WDR93: variants seen among roughly 807,000 people sequenced by gnomAD.
WDR93 encodes the protein WD repeat domain 93.
WDR93 carries 73 observed loss-of-function variants against 82.9 expected under a neutral mutation model. The observed-to-expected ratio is 0.88, with a 90% CI of 0.73 to 1.07. The LOEUF (loss-of-function observed/expected upper bound fraction) is 1.07. Ranked by LOEUF, WDR93 falls within the 50% of genes least tolerant of loss-of-function variation. WDR93 has a pLI of 0.00. For synonymous variants in WDR93, 283 were observed against 300.1 expected, an observed-to-expected ratio of 0.94 and a Z score of 0.59; for missense variants, 738 against 826.0, an observed-to-expected ratio of 0.89 and a Z score of 1.31.
At chr15:89,742,281 A>C (rs1158857653) in intron 16 of WDR93, among the ~76,000 whole-genome samples, 1 of 152,118 alleles carries the variant, frequency 6.6e-6, no homozygotes, top group Non-Finnish European at 1.5e-5. Context: ...TTATCTCCAC[A>C]TAGATGGAGA....
chr15:89,697,138 T>C (rs969301254), intron 1 of WDR93, among the ~76,000 whole-genome samples: 1 of 152,062 alleles, frequency 6.6e-6, no homozygotes, highest in African/African-American at 2.4e-5. Flanking sequence ...TTAAAATTCC[T>C]TGTAGAGATG....
chr15:89,691,930 G>A (rs1964909449), intron 1 of WDR93, among the ~76,000 whole-genome samples: 1 of 152,128 alleles, frequency 6.6e-6, no homozygotes, highest in Non-Finnish European at 1.5e-5. Context: ...CCCTCATAAT[G>A]ATGTAGAAGG....
intron 1 of WDR93, among the ~76,000 whole-genome samples, chr15:89,691,368 A>G (rs2141562447): frequency 6.6e-6 from 1 of 152,342 alleles, no homozygotes; most frequent in East Asian, 1.9e-4. Context: ...CGGCTTGAAG[A>G]AAAGGAGCCT....
intron 2 of WDR93, 148 bp downstream of exon 2, chr15:89,702,197 A>C: frequency 1.1e-6 from 1 of 924,184 alleles, no homozygotes; most frequent in Non-Finnish European, 1.6e-6. Flanking sequence ...GCTGATGTTG[A>C]TTAAAATGAT....
chr15:89,709,603 T>C (rs1965870944), intron 4 of WDR93, among the ~76,000 whole-genome samples: 1 of 151,740 alleles, frequency 6.6e-6, no homozygotes, highest in African/African-American at 2.4e-5. Context: ...CAATAAAAAA[T>C]AGGCAAAAGA....
At chr15:89,702,106 G>A in intron 2 of WDR93, 57 bp downstream of exon 2, 1 of 1,515,160 alleles carries the variant, frequency 6.6e-7, no homozygotes, top group South Asian at 1.3e-5. Flanking sequence ...GTTAATAAAT[G>A]AAATCCCCTG....
intron 16 of WDR93, 61 bp downstream of exon 16, chr15:89,738,297 A>C: frequency 1.3e-6 from 2 of 1,489,298 alleles, no homozygotes; most frequent in Non-Finnish European, 1.8e-6. Context: ...ATTGAGGGAT[A>C]GTGGAGTTTC....
intron 11 of WDR93, 95 bp from the exon 12 acceptor site, chr15:89,731,348 C>T (rs971704576): frequency 1.3e-6 from 2 of 1,553,550 alleles, no homozygotes; most frequent in Admixed American, 1.8e-5. Flanking sequence ...ATTCCCTGAA[C>T]AGGCAGACCA....
intron 4 of WDR93, among the ~76,000 whole-genome samples, chr15:89,709,815 C>T (rs957764384): frequency 3.3e-5 from 5 of 151,614 alleles, no homozygotes; most frequent in African/African-American, 1.2e-4. Context: ...AACATTTGTT[C>T]ACAAAAAGAT....
chr15:89,736,488 T>C (rs1596125208), intron 14 of WDR93, among the ~76,000 whole-genome samples: 1 of 151,796 alleles, frequency 6.6e-6, no homozygotes, highest in African/African-American at 2.4e-5. Context: ...AGGGAGTGAA[T>C]AGAGAAGAGG....
rs2141690979 is a variant in WDR93 at position 89,731,372 on chromosome 15, G to A, written c.1211-71G>A. On this transcript the variant is annotated intron_variant, in intron 11 of 16. Coordinates refer to ENST00000268130, the MANE Select transcript of WDR93 (RefSeq NM_020212.2). ...ACAGGCAGACCAGTCTGAGTCACAG[G>A]TTGTCCAGGTAGAAGTGATGGGTAG... The A allele has an allele frequency of 2.5e-6, 4 of 1,591,150 alleles. No homozygotes were observed. The East Asian group carries it at 9.0e-5, about 36-fold the overall frequency.
intron 8 of WDR93, among the ~76,000 whole-genome samples, chr15:89,725,540 C>T (rs55804359): frequency 0.015 from 1,897 of 128,836 alleles, 18 homozygotes; most frequent in Non-Finnish European, 0.022. Flanking sequence ...TGGCAATGTT[C>T]TATTTCTTTT....
In WDR93 at chr15:89,725,402, C is replaced by T. The variant is rs188058489; in HGVS notation, c.881-1755C>T. Among the ~76,000 whole-genome samples the T allele has an allele frequency of 1.2e-3, 185 of 152,036 alleles. 1 individual carries two copies. Among genetic ancestry groups the T allele is most frequent in the Non-Finnish European group, 2.2e-3 (152 of 68,004 alleles). On this transcript the variant is annotated intron_variant, in intron 8 of 16. Transcript: ENST00000268130. ...CAAAATGAAACTATGGTGTTGAGGACGCATGTTTAGGTGATAAAAGCATAA... is the reference window on the plus strand; with the variant it reads ...CAAAATGAAACTATGGTGTTGAGGATGCATGTTTAGGTGATAAAAGCATAA...
Position 89,705,645 on chromosome 15 carries a change from C to T in WDR93, c.561+27C>T, listed in dbSNP as rs779963700. 3 of 1,407,904 alleles carry T rather than the reference C, an allele frequency of 2.1e-6. No homozygotes were observed. The Admixed American group carries it at 5.1e-5, about 24-fold the overall frequency. 87.2% of individuals were successfully genotyped at this position (1,407,904 alleles called of 1,614,324 possible). ...TGAGTTCCTATTCTTTCACCATTAGCTGGGCCAAAAGCTGTAGCAAATTAA... is the reference window on the plus strand; with the variant it reads ...TGAGTTCCTATTCTTTCACCATTAGTTGGGCCAAAAGCTGTAGCAAATTAA... On this transcript the variant is annotated intron_variant, in intron 4 of 16. Transcript: ENST00000268130.
chr15:89,736,384 G>C (rs927248813), intron 14 of WDR93, among the ~76,000 whole-genome samples: 4 of 152,158 alleles, frequency 2.6e-5, no homozygotes, highest in African/African-American at 9.7e-5. Flanking sequence ...AGAGAGCCAA[G>C]GGCTGAAAAT....
intron 4 of WDR93, among the ~76,000 whole-genome samples, chr15:89,711,052 G>C (rs1439538275): frequency 6.6e-6 from 1 of 152,178 alleles, no homozygotes; most frequent in East Asian, 1.9e-4. Context: ...AAGGAGTCAG[G>C]ATGATAACTG....
rs376188673 is a variant in WDR93 at position 89,733,101 on chromosome 15, T to C, written c.1426T>C (p.Tyr476His). ...YFSVHKGQNM[Y>H]PEGQVKSQMK... Reference sequence around the variant, plus strand: ...CTCGGTCCACAAAGGACAGAATATGTATCCTGAAGGTCAAGTGAAATCCCA... The same window carrying C: ...CTCGGTCCACAAAGGACAGAATATGCATCCTGAAGGTCAAGTGAAATCCCA... The change falls in exon 13 of 17, where the codon TAT becomes CAT. Residue 476 changes from tyrosine to histidine, a missense_variant. Tyr to His is a moderately conservative substitution (Grantham distance 83, BLOSUM62 2). Transcript: ENST00000268130. 6.2e-6 allele frequency: 10 copies of C among 1,614,108 alleles called. No individual in the cohort carries two copies. The African/African-American group carries it at 8.0e-5, about 13-fold the overall frequency.
intron 4 of WDR93, among the ~76,000 whole-genome samples, chr15:89,710,834 GGAAA>G (rs1965942240): frequency 6.6e-6 from 1 of 152,158 alleles, no homozygotes; most frequent in Non-Finnish European, 1.5e-5. Context: ...AACTGATAAG[GGAAA>G]GAATCAAGCT....
chr15:89,733,948 T>C (rs376259321), intron 13 of WDR93, among the ~76,000 whole-genome samples: 7 of 152,146 alleles, frequency 4.6e-5, no homozygotes, highest in African/African-American at 1.4e-4. Context: ...CTCTCTCTCT[T>C]TTAAACATTT....
Sources: allele counts gnomAD v4.1 joint callset (sites outside exome capture counted in the v4.1 genomes callset), GRCh38; gene constraint gnomAD v4.1.1; transcripts MANE v1.5; gene names NCBI Gene and HGNC (gene_info 2026-07-23, HGNC 2026-07-21).